The following KCNN3 variants were observed in gnomAD, a reference collection of about 807,000 sequenced individuals.
KCNN3 encodes the protein small conductance calcium-activated potassium channel protein 3.
Under a neutral mutation model 62.9 loss-of-function variants are expected in KCNN3, and 16 were observed. That is an observed-to-expected ratio of 0.25 (90% CI 0.17 to 0.39). The LOEUF (loss-of-function observed/expected upper bound fraction) is 0.39, where lower values mean the gene tolerates loss of function less well. Ranked by LOEUF, KCNN3 falls within the 10% of genes least tolerant of loss-of-function variation. KCNN3 has a pLI of 1.00. For synonymous variants in KCNN3, 370 were observed against 389.2 expected (o/e 0.95, Z 0.58); for missense variants, 599 against 949.4 (o/e 0.63, Z 4.85).
In KCNN3 at chr1:154,772,810, G is replaced by A. The variant is rs1648623640; in HGVS notation, c.1030-417C>T. Among the ~76,000 whole-genome samples, 1 of 152,122 alleles carries A rather than the reference G, an allele frequency of 6.6e-6. No homozygotes were observed. Among genetic ancestry groups the A allele is most frequent in the African/African-American group, 2.4e-5 (1 of 41,404 alleles). ...GGGGTCGGTCGGGGTGGGGATCCAG[G>A]GTGGCCTCAGGATGGCGCTGGTTGC... On this transcript the variant is annotated intron_variant, in intron 2 of 7. Transcript: ENST00000271915. This position sits in a 1 kb window ranked among gnomAD's most constrained non-coding sequence, Gnocchi z 5.6.
At chr1:154,780,087 G>A (rs1401798855) in intron 2 of KCNN3, among the ~76,000 whole-genome samples, 1 of 152,076 alleles carries the variant, frequency 6.6e-6, no homozygotes, top group Non-Finnish European at 1.5e-5. Context: ...ACTACCCAGT[G>A]CCTCCAGCAG....
chr1:154,792,858 T>C (rs758857029), intron 2 of KCNN3, among the ~76,000 whole-genome samples: 4 of 152,164 alleles, frequency 2.6e-5, no homozygotes, highest in Non-Finnish European at 4.4e-5. Context: ...AGGCAGAAGT[T>C]TGATTTTTTT....
At chr1:154,818,348 G>A (rs891801488) in intron 2 of KCNN3, among the ~76,000 whole-genome samples, 8 of 152,168 alleles carry the variant, frequency 5.3e-5, no homozygotes, top group African/African-American at 1.4e-4. Flanking sequence ...GCAGAAGGGC[G>A]GGCTTTCTAA....
intron 1 of KCNN3, among the ~76,000 whole-genome samples, chr1:154,826,087 A>T (rs1245321901): frequency 6.6e-6 from 1 of 150,732 alleles, no homozygotes. Context: ...AAACAAAAAC[A>T]AAAAAAACCA....
At chr1:154,847,250 C>T (rs1021099345) in intron 1 of KCNN3, among the ~76,000 whole-genome samples, 10 of 152,112 alleles carry the variant, frequency 6.6e-5, no homozygotes, top group East Asian at 3.9e-4. Flanking sequence ...CAGGCCACAC[C>T]GAGAGGGAAG....
At chr1:154,711,654 C>T (rs1700077544) in intron 7 of KCNN3, among the ~76,000 whole-genome samples, 1 of 152,126 alleles carries the variant, frequency 6.6e-6, no homozygotes, top group South Asian at 2.1e-4. Context: ...TCCTGAAGCT[C>T]ACAGGTGGGC....
intron 1 of KCNN3, chr1:154,859,642 G>A (rs752904327): frequency 4.5e-6 from 7 of 1,561,082 alleles, no homozygotes; most frequent in Middle Eastern, 1.7e-4. Flanking sequence ...CCAGGCAACA[G>A]GTCATCTGCT....
intron 2 of KCNN3, among the ~76,000 whole-genome samples, chr1:154,814,922 C>T (rs1322378737): frequency 6.6e-6 from 1 of 152,214 alleles, no homozygotes; most frequent in East Asian, 1.9e-4. Flanking sequence ...ACACATTCCC[C>T]ATTTTCAATT....
chr1:154,847,071 C>T (rs2101918470), intron 1 of KCNN3, among the ~76,000 whole-genome samples: 1 of 151,956 alleles, frequency 6.6e-6, no homozygotes. Flanking sequence ...TCCTCCCAGG[C>T]CTGCCTCCCT....
chr1:154,820,340 G>C (rs1650838120), intron 2 of KCNN3, among the ~76,000 whole-genome samples: 1 of 152,252 alleles, frequency 6.6e-6, no homozygotes, highest in African/African-American at 2.4e-5. Context: ...ATCAGGCCTA[G>C]CACCACCAAA....
At chr1:154,836,514 G>A (rs150859140) in intron 1 of KCNN3, among the ~76,000 whole-genome samples, 9 of 152,392 alleles carry the variant, frequency 5.9e-5, no homozygotes, top group East Asian at 1.9e-4. Context: ...GAGCAGGGAC[G>A]TGGGCCTCCC....
chr1:154,760,835 C>T (rs1454640673), intron 3 of KCNN3, among the ~76,000 whole-genome samples: 1 of 138,904 alleles, frequency 7.2e-6, no homozygotes, highest in Admixed American at 7.0e-5. Flanking sequence ...CGCAGAGGGG[C>T]TCCAAGGGAG....
intron 2 of KCNN3, among the ~76,000 whole-genome samples, chr1:154,812,456 T>G (rs1390866251): frequency 6.6e-6 from 1 of 151,426 alleles, no homozygotes; most frequent in African/African-American, 2.4e-5. Flanking sequence ...CCCCTTCCTG[T>G]GTCCATGTGT....
In KCNN3 at chr1:154,862,543, G is replaced by C. The variant is rs1652807176; in HGVS notation, c.933+6489C>G. Among the ~76,000 whole-genome samples, 1 of 152,088 alleles carries C rather than the reference G, an allele frequency of 6.6e-6. No homozygotes were observed. Among genetic ancestry groups the C allele is most frequent in the Non-Finnish European group, 1.5e-5 (1 of 68,004 alleles). On this transcript the variant is annotated intron_variant, in intron 1 of 7. Transcript: ENST00000271915. The surrounding 1 kb of genome is among the most constrained non-coding windows in gnomAD (Gnocchi z 4.1). ...GGGGGTGCTAGGGGCTGTGGAAGGA[G>C]CTTTTGCAGGAAGGGCTTTCATTTT...
At chr1:154,714,109 T>G in intron 6 of KCNN3, among the ~76,000 whole-genome samples, 1 of 91,082 alleles carries the variant, frequency 1.1e-5, no homozygotes, top group East Asian at 3.8e-4. Context: ...ATGGTGTGTG[T>G]GATGTGGTGT....
At chr1:154,794,541 A>G (rs200960321) in intron 2 of KCNN3, among the ~76,000 whole-genome samples, 1 of 152,200 alleles carries the variant, frequency 6.6e-6, no homozygotes, top group East Asian at 1.9e-4. Flanking sequence ...CTTGCATTAT[A>G]GAGGGTAGAC....
chr1:154,795,844 G>T (rs180689093), intron 2 of KCNN3, among the ~76,000 whole-genome samples: 2 of 152,312 alleles, frequency 1.3e-5, no homozygotes, highest in Admixed American at 6.5e-5. Context: ...GGGACTCCAG[G>T]TTGACTGGCA....
At chr1:154,855,489 A>C (rs901545991) in intron 1 of KCNN3, among the ~76,000 whole-genome samples, 6 of 152,108 alleles carry the variant, frequency 3.9e-5, no homozygotes, top group African/African-American at 1.4e-4. Context: ...CAGTATTTCT[A>C]CTGTACCTTT....
At chr1:154,757,107 C>A (rs940241243) in intron 3 of KCNN3, among the ~76,000 whole-genome samples, 9 of 152,154 alleles carry the variant, frequency 5.9e-5, no homozygotes, top group African/African-American at 2.2e-4. Flanking sequence ...AAGGACAGAC[C>A]TGTGTAGGAA....
Sources: gnomAD v4.1 joint callset for allele counts (sites outside exome capture counted in the v4.1 genomes callset) on GRCh38, gnomAD v4.1.1 for gene constraint, Gnocchi (gnomAD v3.1) non-coding constraint, MANE v1.5 for transcripts, NCBI Gene and HGNC (gene_info 2026-07-23, HGNC 2026-07-21) for gene names.